CACNG4: variants seen among roughly 807,000 people sequenced by gnomAD.
The protein encoded by CACNG4 is calcium voltage-gated channel auxiliary subunit gamma 4, also known as voltage-dependent calcium channel gamma-4 subunit.
A neutral mutation model predicts 22.9 loss-of-function variants in CACNG4; 8 were observed. That is an observed-to-expected ratio of 0.35 (90% CI 0.21 to 0.63). The LOEUF (loss-of-function observed/expected upper bound fraction) is 0.63. Among genes scored for constraint, CACNG4 ranks in the 30% least tolerant of loss-of-function variants. CACNG4 has a pLI of 0.72. For missense variants in CACNG4, 357 were observed against 455.4 expected, an observed-to-expected ratio of 0.78 and a Z score of 1.97; for synonymous variants, 188 against 191.9, an observed-to-expected ratio of 0.98 and a Z score of 0.17.
intron 1 of CACNG4, among the ~76,000 whole-genome samples, chr17:67,014,239 G>A (rs547014499): frequency 3.3e-5 from 5 of 152,306 alleles, no homozygotes; most frequent in African/African-American, 4.8e-5. Flanking sequence ...TATGGAGAGC[G>A]AACACATGTG....
intron 1 of CACNG4, among the ~76,000 whole-genome samples, chr17:67,012,931 G>T (rs1237954956): frequency 6.6e-6 from 1 of 152,206 alleles, no homozygotes; most frequent in Non-Finnish European, 1.5e-5. Context: ...AAAATGCATT[G>T]CAAATGACAA....
chr17:67,022,518 A>C (rs1447875938), intron 2 of CACNG4, among the ~76,000 whole-genome samples: 1 of 152,216 alleles, frequency 6.6e-6, no homozygotes, highest in African/African-American at 2.4e-5. Flanking sequence ...GGAGAGGAGG[A>C]GGCACCGGAG....
intron 2 of CACNG4, among the ~76,000 whole-genome samples, chr17:67,018,555 G>A (rs1007898434): frequency 1.3e-5 from 2 of 152,144 alleles, no homozygotes; most frequent in African/African-American, 4.8e-5. Flanking sequence ...AAGCCTGCTG[G>A]GCATGGCAGG....
At chr17:67,010,804 G>C (rs1028849278) in intron 1 of CACNG4, among the ~76,000 whole-genome samples, 1 of 152,272 alleles carries the variant, frequency 6.6e-6, no homozygotes, top group African/African-American at 2.4e-5. Flanking sequence ...TGGTGTGGGA[G>C]AGGGCCAGGT....
chr17:66,975,651 T>G (rs1351500624), intron 1 of CACNG4, among the ~76,000 whole-genome samples: 3 of 152,186 alleles, frequency 2.0e-5, no homozygotes, highest in Non-Finnish European at 4.4e-5. Context: ...AGACATAAGT[T>G]GCCCAAATTT....
chr17:66,990,927 G>A (rs1452235250), intron 1 of CACNG4, among the ~76,000 whole-genome samples: 6 of 152,032 alleles, frequency 3.9e-5, no homozygotes, highest in Non-Finnish European at 7.4e-5. Context: ...TGATCCGCCC[G>A]CCTCAGCCTC....
intron 1 of CACNG4, among the ~76,000 whole-genome samples, chr17:66,979,745 C>CTTTTTTTTTTTTTTT (rs35942551): frequency 1.1e-5 from 1 of 92,016 alleles, no homozygotes; most frequent in Non-Finnish European, 2.0e-5. Context: ...TCTTTTCATG[C>CTTTTTTTTTTTTTTT]TTTTTTTTTT....
chr17:67,024,519 A>G (rs566973044), intron 2 of CACNG4, among the ~76,000 whole-genome samples: 166 of 152,352 alleles, frequency 1.1e-3, no homozygotes, highest in African/African-American at 3.9e-3. Context: ...GCAAGGGCTT[A>G]GGGGGCTGTG....
Position 67,030,391 on chromosome 17 carries a change from C to T in CACNG4, c.446-75C>T, listed in dbSNP as rs1231870989. 1 of 1,293,214 alleles carries T rather than the reference C, an allele frequency of 7.7e-7. No homozygotes were observed. The highest frequency in any genetic ancestry group is 1.5e-5 in the African/African-American group (1 of 67,950). 80.1% of individuals were successfully genotyped at this position (1,293,214 alleles called of 1,614,324 possible). A position where few individuals can be genotyped will look rare whatever the true frequency, so the allele number is the denominator to read the frequency against. On this transcript the variant is annotated intron_variant, in intron 3 of 3. Coordinates refer to ENST00000262138, the MANE Select transcript of CACNG4 (RefSeq NM_014405.4). The surrounding 1 kb of genome is among the most constrained non-coding windows in gnomAD (Gnocchi z 6.4). ...GAGTGTCCACCTGTTCCCTACACTGCCCGTCCCACTGTGGGTCTAACCTCT... is the reference window on the plus strand; with the variant it reads ...GAGTGTCCACCTGTTCCCTACACTGTCCGTCCCACTGTGGGTCTAACCTCT...
At position 67,027,410 on chromosome 17, in the gene CACNG4, C is replaced by T. The variant is rs1379842385; in HGVS notation, c.445+2410C>T. Among the ~76,000 whole-genome samples, 1 of 152,224 alleles carries T rather than the reference C, an allele frequency of 6.6e-6. No individual in the cohort carries two copies. The highest frequency in any genetic ancestry group is 1.5e-5 in the Non-Finnish European group (1 of 68,036). The stretch of plus-strand genomic sequence containing the variant: ...GGGGAGGCCAGCAAGGGGACATTGG[C>T]TTATTCCCTGGCGCATGGGGCACTG... On this transcript the variant is annotated intron_variant, in intron 3 of 3. Coordinates refer to ENST00000262138, the MANE Select transcript of CACNG4 (RefSeq NM_014405.4). This position sits in a 1 kb window ranked among gnomAD's most constrained non-coding sequence, Gnocchi z 4.3.
At chr17:67,023,080 G>C (rs960552374) in intron 2 of CACNG4, among the ~76,000 whole-genome samples, 2 of 152,092 alleles carry the variant, frequency 1.3e-5, no homozygotes, top group African/African-American at 4.8e-5. Context: ...CAGCTTTGGA[G>C]GTGGTTGGCA....
chr17:67,006,737 G>A (rs1003755240), intron 1 of CACNG4, among the ~76,000 whole-genome samples: 7 of 152,170 alleles, frequency 4.6e-5, no homozygotes, highest in South Asian at 2.1e-4. Context: ...CAGGATCCAC[G>A]GGGCCTGGTG....
In CACNG4 at chr17:67,031,581, C is replaced by G. The variant is rs920201039; in HGVS notation, c.*577C>G. Reference sequence around the variant, plus strand: ...TGGCAGTGGCCTATGATCCTGAAGACAGCTCTGCAGCCAACTGGTGCTTTG... The same window carrying G: ...TGGCAGTGGCCTATGATCCTGAAGAGAGCTCTGCAGCCAACTGGTGCTTTG... On this transcript the variant is annotated 3_prime_UTR_variant, in exon 4 of 4. Coordinates refer to ENST00000262138, the MANE Select transcript of CACNG4 (RefSeq NM_014405.4). The surrounding 1 kb of genome is among the most constrained non-coding windows in gnomAD (Gnocchi z 4.0). 1 of 456,972 alleles carries G rather than the reference C, an allele frequency of 2.2e-6. No homozygotes were observed. The highest frequency in any genetic ancestry group is 4.4e-6 in the Non-Finnish European group (1 of 227,020). 28.3% of individuals were successfully genotyped at this position (456,972 alleles called of 1,614,324 possible).
chr17:67,025,088 G>T, intron 3 of CACNG4, 88 bp downstream of exon 3: 1 of 1,297,448 alleles, frequency 7.7e-7, no homozygotes, highest in Non-Finnish European at 1.0e-6. Context: ...CAGGCAGTGT[G>T]CATCCTAGAG....
Position 67,032,129 on chromosome 17 carries a change from C to T in CACNG4, c.*1125C>T. 2.5e-6 allele frequency: 1 copy of T among 392,882 alleles called. No homozygotes were observed. Among genetic ancestry groups the T allele is most frequent in the South Asian group, 1.9e-5 (1 of 51,820 alleles). The allele number at this position is 392,882 out of a possible 1,614,324, so 24.3% of individuals were successfully genotyped here. ...ACAACTCCTGTCATTGTAAGTTATT[C>T]TGCCACCACCTAACAGGACGGAGTG... is the stretch of plus-strand genomic sequence containing the variant. On this transcript the variant is annotated 3_prime_UTR_variant, in exon 4 of 4. Coordinates refer to ENST00000262138, the MANE Select transcript of CACNG4 (RefSeq NM_014405.4).
At chr17:66,992,788 C>T (rs1388881141) in intron 1 of CACNG4, among the ~76,000 whole-genome samples, 11 of 152,206 alleles carry the variant, frequency 7.2e-5, no homozygotes, top group Non-Finnish European at 1.3e-4. Flanking sequence ...CATCATGGGC[C>T]CTTCCTGAGT....
At position 67,006,205 on chromosome 17, in the gene CACNG4, G is replaced by A. The variant is rs1433779094; in HGVS notation, c.221-11984G>A. The stretch of plus-strand genomic sequence containing the variant: ...GCCAGGCTCCTCTGGGACTAAAAGA[G>A]GCCACCCAAGGGCCCCAGGGTGGGA... On this transcript the variant is annotated intron_variant, in intron 1 of 3. Transcript: ENST00000262138. 2.0e-5 allele frequency among the ~76,000 whole-genome samples: 3 copies of A among 152,152 alleles called. 1 individual carries two copies. In the East Asian group the frequency reaches 5.8e-4, roughly 29 times the overall value.
chr17:66,987,754 C>T (rs940765471), intron 1 of CACNG4, among the ~76,000 whole-genome samples: 7 of 152,148 alleles, frequency 4.6e-5, no homozygotes, highest in African/African-American at 7.2e-5. Flanking sequence ...CCCCTTTTGA[C>T]GGCCCTCTTT....
chr17:67,022,335 A>G (rs998755017), intron 2 of CACNG4, among the ~76,000 whole-genome samples: 6 of 152,296 alleles, frequency 3.9e-5, no homozygotes, highest in African/African-American at 1.4e-4. Context: ...TCGGGCTCCC[A>G]AAGTGCTGGA....
Sources: gnomAD v4.1 joint callset for allele counts (sites outside exome capture counted in the v4.1 genomes callset) on GRCh38, gnomAD v4.1.1 for gene constraint, Gnocchi (gnomAD v3.1) non-coding constraint, MANE v1.5 for transcripts, NCBI Gene and HGNC (gene_info 2026-07-23, HGNC 2026-07-21) for gene names.